Variants in RASEF observed in about 807,000 individuals in gnomAD.
The protein encoded by RASEF is RAS and EF-hand domain containing.
RASEF carries 68 observed loss-of-function variants against 90.1 expected under a neutral mutation model. That is an observed-to-expected ratio of 0.75 (90% confidence interval 0.62 to 0.92). The LOEUF is 0.92. Ranked by LOEUF, RASEF falls within the 40% of genes least tolerant of loss-of-function variation. The probability of loss-of-function intolerance (pLI) is 0.00; values close to 1 mark genes in which losing one functional copy is unlikely to be tolerated. For missense variants in RASEF, 949 were observed against 937.2 expected, an observed-to-expected ratio of 1.01 and a Z score of -0.16; for synonymous variants, 331 against 345.2, an observed-to-expected ratio of 0.96 and a Z score of 0.46.
At chr9:83,045,032 T>G in intron 1 of RASEF, among the ~76,000 whole-genome samples, 1 of 152,182 alleles carries the variant, frequency 6.6e-6, no homozygotes, top group East Asian at 1.9e-4. Flanking sequence ...CCCTGCAGAG[T>G]TTGGACTTAC....
At chr9:83,166,194 A>G in the RASEF span, among the ~76,000 whole-genome samples, 25,830 of 152,194 alleles carry the variant, frequency 0.17, 2,394 homozygotes, top group Non-Finnish European at 0.21. Context: ...AAAACTAGAC[A>G]AAGACATTAC....
At chr9:83,123,763 G>A in the RASEF span, among the ~76,000 whole-genome samples, 11 of 152,290 alleles carry the variant, frequency 7.2e-5, no homozygotes, top group African/African-American at 1.7e-4. Flanking sequence ...CACTATTAAC[G>A]TAACAGCAAG....
In RASEF at chr9:83,055,267, G is replaced by A. The variant is rs555814925; in HGVS notation, c.431+7170C>T. The A allele has an allele frequency of 5.6e-4, 181 of 320,880 alleles. 4 individuals are homozygous for A. Among genetic ancestry groups the A allele is most frequent in the African/African-American group, 4.0e-3 (178 of 44,626 alleles). The allele number at this position is 320,880 out of a possible 1,614,324, so 19.9% of individuals were successfully genotyped here. The stretch of plus-strand genomic sequence containing the variant: ...TTGTGGTGCGCCGTTTCTTAAGCCG[G>A]TCTGAAAAGCGCAATATTCGGGTGG... On this transcript the variant is annotated intron_variant, in intron 1 of 16. Coordinates refer to ENST00000376447, the MANE Select transcript of RASEF (RefSeq NM_152573.4).
rs186175344 is a variant in RASEF, at chr9:83,029,946, T to C, written c.432-4025A>G. On this transcript the variant is annotated intron_variant, in intron 1 of 16. Coordinates refer to ENST00000376447, the MANE Select transcript of RASEF (RefSeq NM_152573.4). ...TGAAAGAAAAATCTCTACTCTTAGA[T>C]TGTCTGACATAATTTCAATGGATCA... Among the ~76,000 whole-genome samples, 200 of 152,314 alleles carry C rather than the reference T, an allele frequency of 1.3e-3. 1 individual carries two copies. The highest frequency in any genetic ancestry group is 8.4e-4 in the Non-Finnish European group (57 of 68,030).
Position 83,062,965 on chromosome 9 carries a change from G to A in RASEF, c.-98C>T. ...CCACCTGCTGCCGCCGGGAGGCCCG[G>A]CGAGTTTGGCTCGTCCGGCTGGTTC... On this transcript the variant is annotated 5_prime_UTR_variant, in exon 1 of 17. Transcript: ENST00000376447. The A allele has an allele frequency of 4.7e-6, 6 of 1,271,958 alleles. No homozygotes were observed. Among genetic ancestry groups the A allele is most frequent in the Non-Finnish European group, 6.1e-6 (6 of 984,442 alleles). The allele number at this position is 1,271,958 out of a possible 1,614,324, so 78.8% of individuals were successfully genotyped here.
chr9:83,109,975 G>T, the RASEF span, among the ~76,000 whole-genome samples: 1 of 152,078 alleles, frequency 6.6e-6, no homozygotes. Context: ...GTATCAATTT[G>T]TGTGCTAAGA....
chr9:83,057,850 T>C (rs1453223933), intron 1 of RASEF, among the ~76,000 whole-genome samples: 2 of 25,142 alleles, frequency 8.0e-5, no homozygotes. Context: ...TATATACATA[T>C]ATATATATAT....
chr9:83,024,777 G>A (rs985299314), intron 2 of RASEF, among the ~76,000 whole-genome samples: 3 of 152,172 alleles, frequency 2.0e-5, no homozygotes, highest in Non-Finnish European at 2.9e-5. Flanking sequence ...TGAACCAAAG[G>A]TTCAACTAGA....
the RASEF span, among the ~76,000 whole-genome samples, chr9:83,094,544 C>CA: frequency 1.3e-5 from 2 of 152,170 alleles, no homozygotes; most frequent in East Asian, 3.9e-4. Flanking sequence ...GAAACCAGTT[C>CA]AAAACCTGTA....
chr9:83,016,153 T>G (rs1047753470), intron 3 of RASEF, among the ~76,000 whole-genome samples: 6 of 152,076 alleles, frequency 3.9e-5, no homozygotes, highest in Non-Finnish European at 8.8e-5. Flanking sequence ...GAGTGACACC[T>G]CTAAGACTAT....
At chr9:83,170,639 T>A in the RASEF span, among the ~76,000 whole-genome samples, 1 of 151,940 alleles carries the variant, frequency 6.6e-6, no homozygotes, top group African/African-American at 2.4e-5. Context: ...TTTATTTATT[T>A]GGTTAAGTTT....
At chr9:83,139,787 A>T in the RASEF span, among the ~76,000 whole-genome samples, 1 of 152,234 alleles carries the variant, frequency 6.6e-6, no homozygotes, top group Non-Finnish European at 1.5e-5. Flanking sequence ...CTTAAGGGTC[A>T]TGGAAAACAA....
At chr9:83,016,083 G>A (rs1215512425) in intron 3 of RASEF, among the ~76,000 whole-genome samples, 183 bp from the exon 4 acceptor site, 1 of 152,266 alleles carries the variant, frequency 6.6e-6, no homozygotes, top group East Asian at 1.9e-4. Flanking sequence ...TTTTGGAACT[G>A]AAACCTACAA....
At chr9:83,153,120 C>T in the RASEF span, among the ~76,000 whole-genome samples, 2 of 152,114 alleles carry the variant, frequency 1.3e-5, no homozygotes, top group African/African-American at 4.8e-5. Context: ...AATTTCAACT[C>T]AGCCATAATG....
the RASEF span, among the ~76,000 whole-genome samples, chr9:83,150,232 C>A: frequency 1.2e-4 from 19 of 152,276 alleles, no homozygotes; most frequent in South Asian, 3.9e-3. Context: ...AGGTGCCACC[C>A]TCCAAATCCA....
the RASEF span, among the ~76,000 whole-genome samples, chr9:83,096,622 GTTTTC>G: frequency 2.0e-5 from 3 of 151,620 alleles, no homozygotes; most frequent in Non-Finnish European, 2.9e-5. Context: ...ACAAGGACTT[GTTTTC>G]TTTTTTTTTT....
chr9:83,055,678 C>G (rs1445951285), intron 1 of RASEF: 2 of 717,716 alleles, frequency 2.8e-6, no homozygotes, highest in Non-Finnish European at 5.2e-6. Flanking sequence ...AATTGTGTAG[C>G]CAAATCTGTA....
At chr9:83,004,661 C>A in intron 8 of RASEF, 75 bp from the exon 9 acceptor site, 2 of 891,730 alleles carry the variant, frequency 2.2e-6, no homozygotes, top group Non-Finnish European at 1.8e-6. Flanking sequence ...TAGGTACACA[C>A]AAACCCATTT....
chr9:83,181,802 G>C, the RASEF span, among the ~76,000 whole-genome samples: 1 of 151,976 alleles, frequency 6.6e-6, no homozygotes, highest in Non-Finnish European at 1.5e-5. Flanking sequence ...AATTGGTTTA[G>C]GAAAAAGTAG....
Sources: allele counts gnomAD v4.1 joint callset (sites outside exome capture counted in the v4.1 genomes callset), GRCh38; gene constraint gnomAD v4.1.1; transcripts MANE v1.5; gene names NCBI Gene and HGNC (gene_info 2026-07-23, HGNC 2026-07-21).